Variants in ZNF33B observed in about 807,000 individuals in gnomAD.
The protein encoded by ZNF33B is zinc finger protein 33B.
Under a neutral mutation model 45.8 loss-of-function variants are expected in ZNF33B, and 29 were observed. The observed-to-expected ratio is 0.63, with a 90% CI of 0.47 to 0.86. The LOEUF (loss-of-function observed/expected upper bound fraction) is 0.86. ZNF33B is among the 40% of genes least tolerant of loss of function. The probability of loss-of-function intolerance (pLI) is 0.00; values close to 1 mark genes in which losing one functional copy is unlikely to be tolerated. For missense variants in ZNF33B, 831 were observed against 909.9 expected, an observed-to-expected ratio of 0.91 and a Z score of 1.12; for synonymous variants, 305 against 307.8, an observed-to-expected ratio of 0.99 and a Z score of 0.10.
chr10:42,584,385 A>G (rs1374776353), downstream of ZNF33B, among the ~76,000 whole-genome samples: 3 of 152,124 alleles, frequency 2.0e-5, no homozygotes, highest in African/African-American at 7.2e-5. Context: ...ACCTTAGGCA[A>G]TGGTGGCCAT....
intron 4 of ZNF33B, among the ~76,000 whole-genome samples, chr10:42,601,465 CTTGTT>C (rs1337230609): frequency 3.0e-5 from 4 of 135,398 alleles, no homozygotes; most frequent in Admixed American, 7.8e-5. Context: ...CTCACATGGG[CTTGTT>C]TTTTTTTTTT....
At chr10:42,634,746 A>T (rs1792203944) in intron 2 of ZNF33B, among the ~76,000 whole-genome samples, 1 of 152,276 alleles carries the variant, frequency 6.6e-6, no homozygotes, top group Non-Finnish European at 1.5e-5. Flanking sequence ...GGAATCTGAC[A>T]TCCACCTCAT....
chr10:42,632,320 C>G lies in ZNF33B; in HGVS notation c.129G>C (p.Glu43Asp), dbSNP rs1239625085. Residue 43 changes from glutamate (E) to aspartate (D), a missense_variant, in exon 3 of 5, where the codon GAG becomes GAC. Glu to Asp is a conservative substitution (Grantham distance 45). Transcript: ENST00000359467. ...CCACTGAGACAAGGTTGCTGTAGTT[C>G]TCCAGCATCACATCTCTATACAGAG... The part of the protein sequence containing the change: ...QRALYRDVML[E>D]NYSNLVSVGY... 1 of 1,605,098 alleles carries G rather than the reference C, an allele frequency of 6.2e-7. No homozygotes were observed.
chr10:42,632,679 G>A (rs1024812519), intron 2 of ZNF33B, among the ~76,000 whole-genome samples: 10 of 152,266 alleles, frequency 6.6e-5, no homozygotes, highest in Non-Finnish European at 7.3e-5. Context: ...AAATCTTCCT[G>A]TGTTCAAAGA....
At chr10:42,626,922 T>C (rs1470292775) in intron 4 of ZNF33B, among the ~76,000 whole-genome samples, 1 of 152,108 alleles carries the variant, frequency 6.6e-6, no homozygotes, top group Non-Finnish European at 1.5e-5. Flanking sequence ...CTATGGGTCA[T>C]TCAAATTATC....
intron 4 of ZNF33B, among the ~76,000 whole-genome samples, chr10:42,600,231 TAA>T (rs1482657461): frequency 6.6e-6 from 1 of 152,128 alleles, no homozygotes; most frequent in African/African-American, 2.4e-5. Context: ...TATTTAGGGT[TAA>T]GTCTATTATA....
At chr10:42,636,689 C>T (rs1589080880) in intron 2 of ZNF33B, 7 of 562,330 alleles carry the variant, frequency 1.2e-5, no homozygotes, top group South Asian at 8.9e-5. Flanking sequence ...GCGTGGCGGC[C>T]TGCGCCTGTA....
chr10:42,629,356 A>C (rs1179561022), intron 4 of ZNF33B, among the ~76,000 whole-genome samples: 1 of 152,184 alleles, frequency 6.6e-6, no homozygotes, highest in South Asian at 2.1e-4. Context: ...AAATAGTTAG[A>C]AAGAATGAAT....
At position 42,591,990 on chromosome 10, in the gene ZNF33B, G is replaced by GT. The variant is rs1467762438; in HGVS notation, c.*622dup. On this transcript the variant is annotated 3_prime_UTR_variant, in exon 5 of 5. Coordinates refer to ENST00000359467, the MANE Select transcript of ZNF33B (RefSeq NM_006955.3). ...GCACGCAAACCATAGCAAAATCTGA[G>GT]TAAGTCTGCATCTACTAGCAAGGTA... 3 of 152,692 alleles carry GT rather than the reference G, an allele frequency of 2.0e-5. No individual in the cohort carries two copies. The highest frequency in any genetic ancestry group is 4.4e-5 in the Non-Finnish European group (3 of 68,380). The allele number at this position is 152,692 out of a possible 1,614,324, so 9.5% of individuals were successfully genotyped here.
In ZNF33B at chr10:42,591,373, G is replaced by A. The variant is rs1030849457; in HGVS notation, c.*1240C>T. 2.7e-6 allele frequency: 1 copy of A among 373,732 alleles called. No individual in the cohort carries two copies. Among genetic ancestry groups the A allele is most frequent in the Non-Finnish European group, 3.7e-6 (1 of 270,942 alleles). The allele number at this position is 373,732 out of a possible 1,614,324, so 23.2% of individuals were successfully genotyped here. On this transcript the variant is annotated 3_prime_UTR_variant, in exon 5 of 5. Coordinates refer to ENST00000359467, the MANE Select transcript of ZNF33B (RefSeq NM_006955.3). ...GCATGGGATGAGCCACAGGTAGTAAGAGAAAGGGAGTAACATGGAGGCAGG... is the reference window on the plus strand; with the variant it reads ...GCATGGGATGAGCCACAGGTAGTAAAAGAAAGGGAGTAACATGGAGGCAGG...
chr10:42,628,197 G>C (rs1412328317), intron 4 of ZNF33B, among the ~76,000 whole-genome samples: 1 of 152,226 alleles, frequency 6.6e-6, no homozygotes, highest in African/African-American at 2.4e-5. Flanking sequence ...TGTATTTTTA[G>C]TAGAGACAGG....
chr10:42,636,829 CAAACA>C (rs1033042932), intron 2 of ZNF33B, 86 bp downstream of exon 2: 117 of 1,584,098 alleles, frequency 7.4e-5, no homozygotes, highest in Non-Finnish European at 8.6e-5. Context: ...CTCCATGTCA[CAAACA>C]AAACAAAACA....
At chr10:42,635,259 A>G (rs1395067482) in intron 2 of ZNF33B, among the ~76,000 whole-genome samples, 3 of 151,608 alleles carry the variant, frequency 2.0e-5, no homozygotes, top group Non-Finnish European at 4.4e-5. Context: ...AAAAAAAATC[A>G]GACATCATTA....
At chr10:42,600,927 C>T (rs1327203163) in intron 4 of ZNF33B, among the ~76,000 whole-genome samples, 1 of 82,802 alleles carries the variant, frequency 1.2e-5, no homozygotes, top group Non-Finnish European at 3.8e-5. Context: ...GTTCTTCATC[C>T]CCCTGAGTAG....
intron 4 of ZNF33B, among the ~76,000 whole-genome samples, chr10:42,602,539 T>C (rs1837672736): frequency 1.3e-5 from 2 of 152,342 alleles, no homozygotes; most frequent in Admixed American, 6.5e-5. Context: ...CTTGGTTGGA[T>C]GCTGGGTACT....
intron 2 of ZNF33B, among the ~76,000 whole-genome samples, chr10:42,634,158 A>G (rs1417528101): frequency 6.6e-6 from 1 of 152,140 alleles, no homozygotes; most frequent in African/African-American, 2.4e-5. Context: ...TAATCCTAGT[A>G]CTTTGGGAGG....
chr10:42,613,172 A>G (rs1838170839), intron 4 of ZNF33B, among the ~76,000 whole-genome samples: 1 of 152,208 alleles, frequency 6.6e-6, no homozygotes, highest in African/African-American at 2.4e-5. Flanking sequence ...TTAGTTGATA[A>G]AATTATAAAA....
intron 1 of ZNF33B, among the ~76,000 whole-genome samples, chr10:42,575,078 C>A (rs1457168920): frequency 6.6e-6 from 1 of 152,064 alleles, no homozygotes. Context: ...AAGAAATAAA[C>A]CAGGAAAGCA....
At position 42,624,525 on chromosome 10, in the gene ZNF33B, TC is replaced by T. The variant is rs553332213; in HGVS notation, c.250+7403del. Among the ~76,000 whole-genome samples, 15 of 152,314 alleles carry T rather than the reference TC, an allele frequency of 9.8e-5. No individual in the cohort carries two copies. The South Asian group carries it at 2.5e-3, about 25-fold the overall frequency. Reference sequence around the variant, plus strand: ...ATTGAGCCCTATAAATACTGTTTTTTCCTAAATATACAAACCTAAGATAAAG... The same window carrying T: ...ATTGAGCCCTATAAATACTGTTTTTTCTAAATATACAAACCTAAGATAAAG... On this transcript the variant is annotated intron_variant, in intron 4 of 4. Coordinates refer to ENST00000359467, the MANE Select transcript of ZNF33B (RefSeq NM_006955.3).
Sources: allele counts gnomAD v4.1 joint callset (sites outside exome capture counted in the v4.1 genomes callset), GRCh38; gene constraint gnomAD v4.1.1; transcripts MANE v1.5; gene names NCBI Gene and HGNC (gene_info 2026-07-23, HGNC 2026-07-21).